The following PDZRN3 variants were observed in gnomAD, a reference collection of about 807,000 sequenced individuals.
PDZRN3 encodes the protein PDZ domain containing ring finger 3.
A neutral mutation model predicts 85.7 loss-of-function variants in PDZRN3; 38 were observed. The observed-to-expected ratio is 0.44, with a 90% CI of 0.34 to 0.58. The LOEUF is 0.58. PDZRN3 is among the 20% of genes least tolerant of loss of function. PDZRN3 has a pLI of 0.01. For synonymous variants in PDZRN3, 759 were observed against 638.0 expected (o/e 1.19, Z -2.86); for missense variants, 1,629 against 1,506.4 (o/e 1.08, Z -1.35).
intron 3 of PDZRN3, among the ~76,000 whole-genome samples, chr3:73,587,471 C>T (rs779699057): frequency 1.3e-5 from 2 of 152,152 alleles, no homozygotes; most frequent in African/African-American, 2.4e-5. Context: ...GACAAATGTA[C>T]ATACAGTAAA....
rs547825862 is a variant in PDZRN3, at chr3:73,547,815, C to T, written c.918+54539G>A. On this transcript the variant is annotated intron_variant, in intron 3 of 9. Coordinates refer to ENST00000263666, the MANE Select transcript of PDZRN3 (RefSeq NM_015009.3). ...TGGGTCAGGCCAGAGCCAGAGTCAA[C>T]TCTGAAGCTTGCTTTTATTTACTCT... 3.3e-5 allele frequency among the ~76,000 whole-genome samples: 5 copies of T among 152,336 alleles called. No individual in the cohort carries two copies. The South Asian group carries it at 1.0e-3, about 32-fold the overall frequency.
intron 3 of PDZRN3, among the ~76,000 whole-genome samples, chr3:73,531,656 C>G (rs1704658257): frequency 6.6e-6 from 1 of 152,246 alleles, no homozygotes; most frequent in African/African-American, 2.4e-5. Flanking sequence ...GTATAAGGGA[C>G]TGCCTTCCTG....
chr3:73,442,335 T>C (rs35240559), intron 3 of PDZRN3, among the ~76,000 whole-genome samples: 12,947 of 152,100 alleles, frequency 0.085, 619 homozygotes, highest in Middle Eastern at 0.18. Flanking sequence ...CCTTTGCATG[T>C]TTCAAAGTCC....
At chr3:73,575,167 C>T (rs768443421) in intron 3 of PDZRN3, among the ~76,000 whole-genome samples, 17 of 152,166 alleles carry the variant, frequency 1.1e-4, no homozygotes, top group Non-Finnish European at 1.9e-4. Flanking sequence ...ACTGTACTGA[C>T]AAGGAAGAAC....
intron 3 of PDZRN3, among the ~76,000 whole-genome samples, chr3:73,515,319 G>A (rs1422534774): frequency 6.6e-6 from 1 of 151,870 alleles, no homozygotes; most frequent in Non-Finnish European, 1.5e-5. Flanking sequence ...GGGACTACAG[G>A]CACCCGCTAC....
chr3:73,571,840 C>T (rs932138564), intron 3 of PDZRN3, among the ~76,000 whole-genome samples: 1 of 152,082 alleles, frequency 6.6e-6, no homozygotes, highest in African/African-American at 2.4e-5. Context: ...ACAAATGTGT[C>T]CCGAGCACCG....
At chr3:73,464,910 T>C (rs1703182705) in intron 3 of PDZRN3, among the ~76,000 whole-genome samples, 3 of 152,156 alleles carry the variant, frequency 2.0e-5, no homozygotes, top group African/African-American at 7.2e-5. Context: ...TTTTCAAGAA[T>C]ACAATATATT....
chr3:73,620,427 G>A (rs1191740945), intron 1 of PDZRN3, among the ~76,000 whole-genome samples: 1 of 152,174 alleles, frequency 6.6e-6, no homozygotes, highest in Non-Finnish European at 1.5e-5. Context: ...AAGTCAGGAT[G>A]GGAAACTGAG....
At chr3:73,516,251 T>C (rs1159532409) in intron 3 of PDZRN3, among the ~76,000 whole-genome samples, 2 of 152,224 alleles carry the variant, frequency 1.3e-5, no homozygotes, top group African/African-American at 2.4e-5. Context: ...ATCCACAGTA[T>C]AGATTATGGA....
chr3:73,474,140 T>G (rs936552113), intron 3 of PDZRN3, among the ~76,000 whole-genome samples: 8 of 152,164 alleles, frequency 5.3e-5, no homozygotes, highest in South Asian at 2.1e-4. Context: ...GTATCTTCTT[T>G]GGGGGAAAAC....
intron 1 of PDZRN3, among the ~76,000 whole-genome samples, chr3:73,609,843 G>T (rs1340217787): frequency 6.6e-6 from 1 of 152,184 alleles, no homozygotes; most frequent in Non-Finnish European, 1.5e-5. Flanking sequence ...ACTGGCAAAG[G>T]AAAGTACTGT....
intron 3 of PDZRN3, among the ~76,000 whole-genome samples, chr3:73,549,519 G>A (rs945942532): frequency 6.6e-5 from 10 of 152,172 alleles, no homozygotes; most frequent in Non-Finnish European, 1.3e-4. Context: ...ACAAATGGAC[G>A]ATGATGCAGC....
At chr3:73,477,505 G>A (rs541200175) in intron 3 of PDZRN3, among the ~76,000 whole-genome samples, 1 of 152,288 alleles carries the variant, frequency 6.6e-6, no homozygotes, top group Non-Finnish European at 1.5e-5. Flanking sequence ...ATTAAAGTCT[G>A]CTTGGTGAGG....
rs569548435 is a variant in PDZRN3, at chr3:73,466,307, C to T, written c.919-61912G>A. ...CAAATGCAGTTATCACAGGATAGGACTACAAAGAGTGATAGAAAAAAAAAA... is the reference window on the plus strand; with the variant it reads ...CAAATGCAGTTATCACAGGATAGGATTACAAAGAGTGATAGAAAAAAAAAA... On this transcript the variant is annotated intron_variant, in intron 3 of 9. Transcript: ENST00000263666. Among the ~76,000 whole-genome samples, 3 of 148,346 alleles carry T rather than the reference C, an allele frequency of 2.0e-5. No individual in the cohort carries two copies. The East Asian group carries it at 5.9e-4, about 29-fold the overall frequency.
At chr3:73,550,836 A>T (rs151287057) in intron 3 of PDZRN3, among the ~76,000 whole-genome samples, 1 of 152,368 alleles carries the variant, frequency 6.6e-6, no homozygotes, top group East Asian at 1.9e-4. Context: ...CTGTTTCAGG[A>T]ATCAGCAGAT....
rs372960349 is a variant in PDZRN3, at chr3:73,621,012, T to C, written c.723+3091A>G. On this transcript the variant is annotated intron_variant, in intron 1 of 9. Coordinates refer to ENST00000263666, the MANE Select transcript of PDZRN3 (RefSeq NM_015009.3). ...TATCTACCTGAGCGTAAGCTCTTCG[T>C]CTAGCTTAGCGGCTACTTAAAGGAC... Among the ~76,000 whole-genome samples, 18 of 152,376 alleles carry C rather than the reference T, an allele frequency of 1.2e-4. No homozygotes were observed. The East Asian group carries it at 1.3e-3, about 11-fold the overall frequency.
At chr3:73,403,586 CTT>C (rs1701796518) in intron 4 of PDZRN3, among the ~76,000 whole-genome samples, 1 of 152,190 alleles carries the variant, frequency 6.6e-6, no homozygotes, top group Non-Finnish European at 1.5e-5. Flanking sequence ...CTGAAGGACT[CTT>C]TATCGCTGGC....
intron 3 of PDZRN3, among the ~76,000 whole-genome samples, chr3:73,453,241 A>T (rs1702903769): frequency 6.6e-6 from 1 of 151,968 alleles, no homozygotes; most frequent in Non-Finnish European, 1.5e-5. Context: ...CCCTGTCTCT[A>T]CTAAAAACAC....
At chr3:73,423,636 A>C (rs1462794100) in intron 3 of PDZRN3, among the ~76,000 whole-genome samples, 1 of 152,252 alleles carries the variant, frequency 6.6e-6, no homozygotes, top group African/African-American at 2.4e-5. Context: ...TTTACAACAA[A>C]TGTTACAGTT....
Sources: gnomAD v4.1 joint callset for allele counts (sites outside exome capture counted in the v4.1 genomes callset) on GRCh38, gnomAD v4.1.1 for gene constraint, MANE v1.5 for transcripts, NCBI Gene and HGNC (gene_info 2026-07-23, HGNC 2026-07-21) for gene names.